Variants in TLL1 observed in about 807,000 individuals in gnomAD.
TLL1 encodes the protein tolloid-like protein 1.
Under a neutral mutation model 128.2 loss-of-function variants are expected in TLL1, and 49 were observed. The observed-to-expected ratio is 0.38, with a 90% CI of 0.30 to 0.48. TLL1 has a LOEUF of 0.48. Ranked by LOEUF, TLL1 falls within the 20% of genes least tolerant of loss-of-function variation. The probability of loss-of-function intolerance (pLI) is 0.96; values close to 1 mark genes in which losing one functional copy is unlikely to be tolerated. For missense variants in TLL1, 1,123 were observed against 1,242.0 expected (o/e 0.90, Z 1.44); for synonymous variants, 454 against 418.8 (o/e 1.08, Z -1.03).
chr4:165,989,616 A>C, intron 2 of TLL1, 125 bp downstream of exon 2: 1 of 676,614 alleles, frequency 1.5e-6, no homozygotes, highest in Non-Finnish European at 2.6e-6. Context: ...ATACACAAAT[A>C]TACATATTTA....
chr4:166,084,529 C>T lies in TLL1; in HGVS notation c.2442+6499C>T, dbSNP rs147354380. Among the ~76,000 whole-genome samples, 649 of 152,110 alleles carry T rather than the reference C, an allele frequency of 4.3e-3. 7 individuals are homozygous for T. The highest frequency in any genetic ancestry group is 0.015 in the African/African-American group (612 of 41,528). On this transcript the variant is annotated intron_variant, in intron 18 of 20. Coordinates refer to ENST00000061240, the MANE Select transcript of TLL1 (RefSeq NM_012464.5). Reference sequence around the variant, plus strand: ...TTCATAGTTTTGAATCTTATATTTACGTCTTTAATTCATTTAGAATTGGTT... The same window carrying T: ...TTCATAGTTTTGAATCTTATATTTATGTCTTTAATTCATTTAGAATTGGTT...
intron 9 of TLL1, among the ~76,000 whole-genome samples, chr4:166,031,631 G>T (rs1205039290): frequency 2.0e-5 from 3 of 151,900 alleles, no homozygotes; most frequent in Admixed American, 6.6e-5. Flanking sequence ...GCCTCCCAAA[G>T]TTCTGGGCTT....
chr4:165,894,222 A>C (rs1273562689), intron 1 of TLL1, among the ~76,000 whole-genome samples: 1 of 152,184 alleles, frequency 6.6e-6, no homozygotes, highest in Non-Finnish European at 1.5e-5. Flanking sequence ...CAAATCCCCA[A>C]GTACAAGGAA....
chr4:165,921,553 C>T (rs575814815), intron 1 of TLL1, among the ~76,000 whole-genome samples: 62 of 152,140 alleles, frequency 4.1e-4, no homozygotes, highest in Non-Finnish European at 6.8e-4. Flanking sequence ...TGACCATAAG[C>T]TTTATACCCC....
At chr4:165,964,695 C>T (rs762445174) in intron 1 of TLL1, among the ~76,000 whole-genome samples, 4 of 152,052 alleles carry the variant, frequency 2.6e-5, no homozygotes, top group Non-Finnish European at 5.9e-5. Flanking sequence ...GGCTGAGGTG[C>T]GAGGCTAGCT....
intron 1 of TLL1, among the ~76,000 whole-genome samples, chr4:165,915,774 T>C (rs1378423229): frequency 1.3e-5 from 2 of 152,184 alleles, no homozygotes; most frequent in Admixed American, 6.5e-5. Flanking sequence ...AATTCCTCTA[T>C]GTATAGAAAA....
intron 16 of TLL1, among the ~76,000 whole-genome samples, chr4:166,073,252 G>C (rs1740871956): frequency 6.6e-6 from 1 of 152,096 alleles, no homozygotes; most frequent in Non-Finnish European, 1.5e-5. Flanking sequence ...AGAAAATGCA[G>C]GCAGCTGATA....
intron 1 of TLL1, among the ~76,000 whole-genome samples, chr4:165,886,123 A>G (rs1731155005): frequency 6.6e-6 from 1 of 152,186 alleles, no homozygotes; most frequent in African/African-American, 2.4e-5. Context: ...AATAGTAAGA[A>G]GGAAGTCCAG....
chr4:166,007,733 TA>T (rs1257624816), intron 6 of TLL1, among the ~76,000 whole-genome samples: 1 of 151,682 alleles, frequency 6.6e-6, no homozygotes, highest in Non-Finnish European at 1.5e-5. Context: ...TTTCAGAAAT[TA>T]ACACTTTGTT....
chr4:166,039,664 A>G (rs950095797), intron 10 of TLL1, among the ~76,000 whole-genome samples: 25 of 152,284 alleles, frequency 1.6e-4, no homozygotes, highest in African/African-American at 5.8e-4. Flanking sequence ...TATGAGGTAC[A>G]TACTAGGATT....
At chr4:166,054,176 C>T (rs1163677064) in intron 12 of TLL1, among the ~76,000 whole-genome samples, 2 of 135,052 alleles carry the variant, frequency 1.5e-5, no homozygotes, top group Non-Finnish European at 3.3e-5. Flanking sequence ...CAAACAAGGC[C>T]ATATTTCCTT....
At chr4:165,907,107 C>CA (rs1579469598) in intron 1 of TLL1, among the ~76,000 whole-genome samples, 1 of 152,078 alleles carries the variant, frequency 6.6e-6, no homozygotes, top group South Asian at 2.1e-4. Flanking sequence ...TCAATGGTCT[C>CA]AAAAAAGTTT....
intron 1 of TLL1, among the ~76,000 whole-genome samples, chr4:165,973,056 A>T (rs931142103): frequency 6.6e-6 from 1 of 152,112 alleles, no homozygotes; most frequent in African/African-American, 2.4e-5. Context: ...TTCTTCCAGG[A>T]GCTGTCTGTA....
chr4:166,089,494 G>A (rs926824917), intron 18 of TLL1, among the ~76,000 whole-genome samples: 3 of 152,030 alleles, frequency 2.0e-5, no homozygotes, highest in African/African-American at 4.8e-5. Flanking sequence ...TGCATCCTAC[G>A]CAATGTGTGT....
At chr4:165,992,509 AG>A (rs1254363967) in intron 2 of TLL1, among the ~76,000 whole-genome samples, 3 of 152,034 alleles carry the variant, frequency 2.0e-5, no homozygotes, top group Non-Finnish European at 4.4e-5. Flanking sequence ...TGTGATGTCA[AG>A]GTCACAGTAA....
chr4:165,994,437 A>C lies in TLL1; in HGVS notation c.418A>C (p.Asn140His), dbSNP rs1736772145. 1.2e-6 allele frequency: 2 copies of C among 1,614,070 alleles called. No individual in the cohort carries two copies. The highest frequency in any genetic ancestry group is 2.7e-5 in the African/African-American group (2 of 75,058). Reference protein sequence around the residue: ...GKVPLQFSGQNEKNRVPRAAT... With the variant: ...GKVPLQFSGQHEKNRVPRAAT... ...AGTACCTCTACAATTCTCAGGGCAA[A>C]ATGAGAAAAATCGAGTTCCCAGAGC... The change falls in exon 4 of 21, where the codon AAT becomes CAT. Residue 140 changes from asparagine to histidine, a missense_variant. Asn to His is a moderately conservative substitution (Grantham distance 68, BLOSUM62 1). Transcript: ENST00000061240.
At chr4:165,995,934 T>G (rs911068266) in intron 5 of TLL1, among the ~76,000 whole-genome samples, 1 of 152,148 alleles carries the variant, frequency 6.6e-6, no homozygotes, top group Non-Finnish European at 1.5e-5. Context: ...GCCTAATATC[T>G]GTTTTCAATA....
In TLL1 at chr4:165,966,717, G is replaced by C. The variant is rs188061016; in HGVS notation, c.170-22664G>C. On this transcript the variant is annotated intron_variant, in intron 1 of 20. Coordinates refer to ENST00000061240, the MANE Select transcript of TLL1 (RefSeq NM_012464.5). ...CAAGTTTTTATTATGGATTTCAAAAGGGGAGGGGTGTACAAATAGGGTATG... is the reference window on the plus strand; with the variant it reads ...CAAGTTTTTATTATGGATTTCAAAACGGGAGGGGTGTACAAATAGGGTATG... Among the ~76,000 whole-genome samples, 406 of 152,216 alleles carry C rather than the reference G, an allele frequency of 2.7e-3. 2 individuals carry two copies. Among genetic ancestry groups the C allele is most frequent in the African/African-American group, 9.2e-3 (381 of 41,546 alleles).
intron 18 of TLL1, among the ~76,000 whole-genome samples, chr4:166,086,172 A>T (rs1445921575): frequency 6.6e-6 from 1 of 152,132 alleles, no homozygotes; most frequent in Non-Finnish European, 1.5e-5. Flanking sequence ...ATGTATATTC[A>T]CTTTACAGTA....
Sources: allele counts gnomAD v4.1 joint callset (sites outside exome capture counted in the v4.1 genomes callset), GRCh38; gene constraint gnomAD v4.1.1; transcripts MANE v1.5; gene names NCBI Gene and HGNC (gene_info 2026-07-23, HGNC 2026-07-21).